Variants in DGKI observed in about 807,000 individuals in gnomAD.
DGKI encodes the protein DAG kinase iota.
A neutral mutation model predicts 147.5 loss-of-function variants in DGKI; 55 were observed. The observed-to-expected ratio is 0.37, with a 90% CI of 0.30 to 0.47. The LOEUF (loss-of-function observed/expected upper bound fraction) is 0.47. DGKI is among the 20% of genes least tolerant of loss of function. DGKI has a pLI of 1.00. For missense variants in DGKI, 1,007 were observed against 1,323.8 expected, an observed-to-expected ratio of 0.76 and a Z score of 3.71; for synonymous variants, 469 against 477.1, an observed-to-expected ratio of 0.98 and a Z score of 0.22.
rs1360276824 is a variant in DGKI at position 137,517,331 on chromosome 7, GAA to G, written c.2248+4533_2248+4534del. ...AGAAAGAAAGAAAGAAAGAAAGAAA[GAA>G]AGAAAGAGAAAGAAAGAAAGAAGGA... is the stretch of plus-strand genomic sequence containing the variant. On this transcript the variant is annotated intron_variant, in intron 21 of 32. Transcript: ENST00000614521. Among the ~76,000 whole-genome samples, 595 of 110,694 alleles carry G rather than the reference GAA, an allele frequency of 5.4e-3. 14 individuals carry two copies. The highest frequency in any genetic ancestry group is 0.037 in the Admixed American group (346 of 9,384). The allele number at this position is 110,694 out of a possible 152,430, so 72.6% of individuals were successfully genotyped here.
chr7:137,602,441 T>C (rs1332330883), intron 10 of DGKI, among the ~76,000 whole-genome samples: 2 of 152,228 alleles, frequency 1.3e-5, no homozygotes, highest in East Asian at 1.9e-4. Flanking sequence ...ATAACTTGCA[T>C]AGCCAGGCAT....
At chr7:137,424,721 A>G (rs1208956587) in intron 28 of DGKI, among the ~76,000 whole-genome samples, 2 of 152,134 alleles carry the variant, frequency 1.3e-5, no homozygotes, top group Non-Finnish European at 2.9e-5. Flanking sequence ...AAAAAACGGC[A>G]CACCAGGAGA....
chr7:137,647,323 T>G (rs1821860856), intron 5 of DGKI, among the ~76,000 whole-genome samples: 2 of 152,328 alleles, frequency 1.3e-5, no homozygotes, highest in South Asian at 4.1e-4. Flanking sequence ...CTCTGACTCC[T>G]CCCTTGCATC....
At chr7:137,663,869 G>A (rs1822534101) in intron 3 of DGKI, among the ~76,000 whole-genome samples, 1 of 152,154 alleles carries the variant, frequency 6.6e-6, no homozygotes, top group Non-Finnish European at 1.5e-5. Context: ...AGGAAAGGGG[G>A]AGGGAAGAAA....
intron 3 of DGKI, among the ~76,000 whole-genome samples, chr7:137,668,014 T>C (rs1822702946): frequency 6.6e-6 from 1 of 152,224 alleles, no homozygotes; most frequent in Non-Finnish European, 1.5e-5. Flanking sequence ...TGAGACCCTA[T>C]GAGACTGTGC....
chr7:137,501,460 G>A (rs1301281450), intron 21 of DGKI, among the ~76,000 whole-genome samples: 1 of 152,056 alleles, frequency 6.6e-6, no homozygotes, highest in Non-Finnish European at 1.5e-5. Flanking sequence ...TGTTGTCCAT[G>A]GTGGCCATAC....
At chr7:137,633,996 G>A (rs1821225334) in intron 6 of DGKI, among the ~76,000 whole-genome samples, 1 of 152,212 alleles carries the variant, frequency 6.6e-6, no homozygotes, top group African/African-American at 2.4e-5. Context: ...TGAGAAGAAA[G>A]GTGGGACATA....
At chr7:137,564,191 A>G (rs1305107920) in intron 19 of DGKI, among the ~76,000 whole-genome samples, 1 of 152,230 alleles carries the variant, frequency 6.6e-6, no homozygotes. Context: ...TTTTTTATGA[A>G]TGAATATGTA....
At position 137,609,077 on chromosome 7, in the gene DGKI, A is replaced by G. The variant is rs547819730; in HGVS notation, c.1069-13T>C. Reference sequence around the variant, plus strand: ...CTTTGTTTTCCTGCTGAAAGAAGCAATCAGCACTGTTAGGATACACATCCA... The same window carrying G: ...CTTTGTTTTCCTGCTGAAAGAAGCAGTCAGCACTGTTAGGATACACATCCA... On this transcript the variant is annotated splice_polypyrimidine_tract_variant and intron_variant, in intron 9 of 32. Transcript: ENST00000614521. The G allele has an allele frequency of 1.9e-6, 3 of 1,602,632 alleles. No individual in the cohort carries two copies. In the South Asian group the frequency reaches 3.3e-5, roughly 18 times the overall value.
intron 6 of DGKI, among the ~76,000 whole-genome samples, chr7:137,644,385 T>C (rs897062480): frequency 6.6e-6 from 1 of 152,232 alleles, no homozygotes; most frequent in Admixed American, 6.5e-5. Flanking sequence ...GTGTGTAGCC[T>C]TCCAGAGAAG....
intron 8 of DGKI, among the ~76,000 whole-genome samples, chr7:137,619,054 G>A (rs1038233642): frequency 6.6e-6 from 1 of 152,160 alleles, no homozygotes; most frequent in Admixed American, 6.5e-5. Context: ...TATTGCATTT[G>A]ATAAGTCTTC....
chr7:137,526,393 C>T (rs924140605), intron 20 of DGKI, among the ~76,000 whole-genome samples: 14 of 145,652 alleles, frequency 9.6e-5, no homozygotes, highest in Admixed American at 6.8e-4. Flanking sequence ...CTAAACCTGT[C>T]GCCTTCTCAC....
chr7:137,494,904 T>A (rs940818427), intron 21 of DGKI, among the ~76,000 whole-genome samples: 1 of 152,012 alleles, frequency 6.6e-6, no homozygotes, highest in Non-Finnish European at 1.5e-5. Context: ...CAAGACCCAA[T>A]GGTATGCTGT....
At chr7:137,512,399 T>C (rs1816608644) in intron 21 of DGKI, among the ~76,000 whole-genome samples, 1 of 152,170 alleles carries the variant, frequency 6.6e-6, no homozygotes, top group African/African-American at 2.4e-5. Flanking sequence ...ACTGCACTAC[T>C]CAAACCTTAG....
At chr7:137,544,754 A>T (rs889503667) in intron 20 of DGKI, among the ~76,000 whole-genome samples, 1 of 152,148 alleles carries the variant, frequency 6.6e-6, no homozygotes, top group African/African-American at 2.4e-5. Flanking sequence ...ATCTGTGAAC[A>T]TGGCTGGGAA....
intron 1 of DGKI, 97 bp from the exon 2 acceptor site, chr7:137,690,099 T>C (rs1823554648): frequency 8.1e-6 from 6 of 740,316 alleles, no homozygotes; most frequent in Admixed American, 3.2e-5. Context: ...AAACAATGCC[T>C]GAGTTAGCCT....
chr7:137,634,847 G>T (rs527405412), intron 6 of DGKI, among the ~76,000 whole-genome samples: 1 of 152,296 alleles, frequency 6.6e-6, no homozygotes, highest in South Asian at 2.1e-4. Context: ...CCTAGAGACA[G>T]GAATAATAAG....
intron 20 of DGKI, among the ~76,000 whole-genome samples, chr7:137,548,967 T>G (rs753068181): frequency 6.6e-6 from 1 of 152,030 alleles, no homozygotes; most frequent in Non-Finnish European, 1.5e-5. Flanking sequence ...TCTCAATAAA[T>G]AAACAAATAA....
intron 1 of DGKI, among the ~76,000 whole-genome samples, chr7:137,726,244 A>G (rs1794713757): frequency 6.6e-6 from 1 of 152,072 alleles, no homozygotes; most frequent in African/African-American, 2.4e-5. Flanking sequence ...AATGCAGTCA[A>G]TTCTCTCTCT....
Sources: gnomAD v4.1 joint callset for allele counts (sites outside exome capture counted in the v4.1 genomes callset) on GRCh38, gnomAD v4.1.1 for gene constraint, MANE v1.5 for transcripts, NCBI Gene and HGNC (gene_info 2026-07-23, HGNC 2026-07-21) for gene names.